Variants in BDP1 observed in about 807,000 individuals in gnomAD.
BDP1 encodes the protein transcription factor TFIIIB component B'' homolog.
In BDP1, 169 loss-of-function variants were observed where a neutral mutation model predicts 266.6. That is an observed-to-expected ratio of 0.63 (90% CI 0.56 to 0.72). The LOEUF (loss-of-function observed/expected upper bound fraction) is 0.72. BDP1 is among the 30% of genes least tolerant of loss of function. The pLI is 0.00. For synonymous variants in BDP1, 1,090 were observed against 1,022.4 expected, an observed-to-expected ratio of 1.07 and a Z score of -1.26; for missense variants, 3,015 against 3,053.8, an observed-to-expected ratio of 0.99 and a Z score of 0.30.
At chr5:71,472,886 CTCTTT>C (rs1762340025) in intron 7 of BDP1, among the ~76,000 whole-genome samples, 1 of 121,840 alleles carries the variant, frequency 8.2e-6, no homozygotes. Context: ...TTCTCTCTCT[CTCTTT>C]TTTTTTTTTT....
At chr5:71,496,198 T>C (rs1057339621) in intron 12 of BDP1, among the ~76,000 whole-genome samples, 10 of 143,942 alleles carry the variant, frequency 6.9e-5, no homozygotes, top group African/African-American at 7.8e-5. Flanking sequence ...GCTGAGATCA[T>C]GCCACTGCAC....
chr5:71,573,303 C>G, the BDP1 span, among the ~76,000 whole-genome samples: 2 of 152,088 alleles, frequency 1.3e-5, no homozygotes, highest in South Asian at 4.2e-4. Context: ...CCACCTGCTC[C>G]AGTTGCAGAA....
At position 71,538,133 on chromosome 5, in the gene BDP1, C is replaced by T. The variant is rs115181473; in HGVS notation, c.5893-909C>T. Among the ~76,000 whole-genome samples the T allele has an allele frequency of 3.5e-3, 539 of 152,226 alleles. 3 individuals are homozygous for T. The highest frequency in any genetic ancestry group is 0.012 in the African/African-American group (506 of 41,544). On this transcript the variant is annotated intron_variant, in intron 26 of 38. Coordinates refer to ENST00000358731, the MANE Select transcript of BDP1 (RefSeq NM_018429.3). ...TTTGTTTTTCATTGTATTTTTTGGA[C>T]GTTAAACCAACCTTGCTTCCCCAGG...
At chr5:71,525,986 C>A in intron 25 of BDP1, among the ~76,000 whole-genome samples, 1 of 152,062 alleles carries the variant, frequency 6.6e-6, no homozygotes, top group Non-Finnish European at 1.5e-5. Context: ...CTCCTCACAT[C>A]CCAGACGATG....
Position 71,510,106 on chromosome 5 carries a change from T to C in BDP1, c.3014T>C (p.Val1005Ala). The change falls in exon 17 of 39, where the codon GTA becomes GCA. Residue 1005 changes from valine (V) to alanine (A), a missense_variant. Physicochemically the swap from Val to Ala is moderately conservative, Grantham distance 64 (BLOSUM62 0). Coordinates refer to ENST00000358731, the MANE Select transcript of BDP1 (RefSeq NM_018429.3). Reference sequence around the variant, plus strand: ...AATGGCCCAGAGGAGGTCAAGCCTGTAGATGAAATGGAGACAGATTTGAAC... The same window carrying C: ...AATGGCCCAGAGGAGGTCAAGCCTGCAGATGAAATGGAGACAGATTTGAAC... ...RENGPEEVKPVDEMETDLNAT... is the reference protein window; with the variant it reads ...RENGPEEVKPADEMETDLNAT... 1.2e-6 allele frequency: 2 copies of C among 1,613,536 alleles called. No homozygotes were observed. The highest frequency in any genetic ancestry group is 1.7e-6 in the Non-Finnish European group (2 of 1,179,916).
At chr5:71,544,324 T>C in intron 30 of BDP1, 33 bp from the exon 31 acceptor site, 1 of 1,585,298 alleles carries the variant, frequency 6.3e-7, no homozygotes, top group East Asian at 2.2e-5. Context: ...TGTATTATTT[T>C]GGTCTATATC....
At chr5:71,552,690 C>A (rs192772867) in intron 34 of BDP1, among the ~76,000 whole-genome samples, 1 of 148,398 alleles carries the variant, frequency 6.7e-6, no homozygotes, top group Non-Finnish European at 1.5e-5. Flanking sequence ...TGTGGTGTCG[C>A]GCGCCTGCAA....
At chr5:71,515,350 G>A (rs1012616866) in intron 20 of BDP1, among the ~76,000 whole-genome samples, 14 of 152,056 alleles carry the variant, frequency 9.2e-5, no homozygotes, top group Non-Finnish European at 1.5e-4. Context: ...TGTATACAAA[G>A]CAATGCATTT....
At chr5:71,467,020 G>C (rs1343633667) in intron 5 of BDP1, among the ~76,000 whole-genome samples, 1 of 152,120 alleles carries the variant, frequency 6.6e-6, no homozygotes, top group Non-Finnish European at 1.5e-5. Flanking sequence ...AATTTCCATG[G>C]AGTCCAGCAC....
intron 23 of BDP1, 95 bp downstream of exon 23, chr5:71,522,585 T>G: frequency 8.2e-7 from 1 of 1,219,510 alleles, no homozygotes; most frequent in Non-Finnish European, 1.2e-6. Context: ...CAGTTTTGAC[T>G]TCTGTACTGT....
chr5:71,477,116 G>C (rs185244991), intron 7 of BDP1, among the ~76,000 whole-genome samples: 1 of 151,704 alleles, frequency 6.6e-6, no homozygotes, highest in Non-Finnish European at 1.5e-5. Flanking sequence ...CAAAGTGCGG[G>C]GATTATAGGC....
At chr5:71,530,097 G>C (rs1766140690) in intron 25 of BDP1, among the ~76,000 whole-genome samples, 1 of 152,098 alleles carries the variant, frequency 6.6e-6, no homozygotes, top group South Asian at 2.1e-4. Context: ...TAAACTGTAT[G>C]ATGCTTAAAA....
intron 7 of BDP1, among the ~76,000 whole-genome samples, chr5:71,474,182 A>G (rs569248353): frequency 7.9e-5 from 12 of 151,362 alleles, no homozygotes; most frequent in Non-Finnish European, 1.2e-4. Flanking sequence ...GGGTTTCACC[A>G]TGTTAGCCAG....
Position 71,510,224 on chromosome 5 carries a change from A to C in BDP1, c.3132A>C (p.Val1044=). 1 of 1,613,970 alleles carries C rather than the reference A, an allele frequency of 6.2e-7. No individual in the cohort carries two copies. The highest frequency in any genetic ancestry group is 1.1e-5 in the South Asian group (1 of 91,054). Reference sequence around the variant, plus strand: ...ATTTGGAAGAAACTGAAAGAGAAGTATCCCCACAGGAAAATGGACTAGAGG... The same window carrying C: ...ATTTGGAAGAAACTGAAAGAGAAGTCTCCCCACAGGAAAATGGACTAGAGG... ...EIDLEETERE[V]SPQENGLEEV... The change falls in exon 17 of 39, where the codon GTA becomes GTC. Residue 1044 remains valine (V), a synonymous_variant. Transcript: ENST00000358731.
intron 2 of BDP1, among the ~76,000 whole-genome samples, chr5:71,460,197 T>G (rs1258939165): frequency 6.6e-6 from 1 of 152,164 alleles, no homozygotes; most frequent in Non-Finnish European, 1.5e-5. Context: ...CTGGCCAACA[T>G]GGTGAAACCC....
intron 31 of BDP1, 135 bp from the exon 32 acceptor site, chr5:71,544,904 A>AAAAAAAAAAAAG (rs375850328): frequency 2.0e-5 from 9 of 442,760 alleles, no homozygotes; most frequent in African/African-American, 5.7e-5. Context: ...AAAAAAAAAA[A>AAAAAAAAAAAAG]AAGTCCTATT....
At chr5:71,473,835 C>G (rs1169404220) in intron 7 of BDP1, among the ~76,000 whole-genome samples, 1 of 144,060 alleles carries the variant, frequency 6.9e-6, no homozygotes, top group African/African-American at 2.5e-5. Context: ...CGCCCTCCCC[C>G]CACCCCACAA....
chr5:71,553,285 A>C lies in BDP1; in HGVS notation c.7165A>C (p.Thr2389Pro). 6 of 1,613,004 alleles carry C rather than the reference A, an allele frequency of 3.7e-6. No individual in the cohort carries two copies. The highest frequency in any genetic ancestry group is 5.1e-6 in the Non-Finnish European group (6 of 1,179,946). Reference sequence around the variant, plus strand: ...TCCTCCTGCCAAAAAACGTTCACTCACTTTAAGAGATGACTGTCAAGAATA... The same window carrying C: ...TCCTCCTGCCAAAAAACGTTCACTCCCTTTAAGAGATGACTGTCAAGAATA... ...HIPPAKKRSL[T>P]LRDDCQEYTT... The change falls in exon 35 of 39, where the codon ACT becomes CCT. Residue 2389 changes from threonine to proline, a missense_variant. Thr to Pro is a conservative substitution (Grantham distance 38). Coordinates refer to ENST00000358731, the MANE Select transcript of BDP1 (RefSeq NM_018429.3).
At chr5:71,470,200 A>C (rs1382210802) in intron 6 of BDP1, among the ~76,000 whole-genome samples, 195 bp from the exon 7 acceptor site, 2 of 152,046 alleles carry the variant, frequency 1.3e-5, no homozygotes, top group Non-Finnish European at 2.9e-5. Context: ...AAGTTCTGGG[A>C]TTATAGGTGT....
Sources: gnomAD v4.1 joint callset for allele counts (sites outside exome capture counted in the v4.1 genomes callset) on GRCh38, gnomAD v4.1.1 for gene constraint, MANE v1.5 for transcripts, NCBI Gene and HGNC (gene_info 2026-07-23, HGNC 2026-07-21) for gene names.